The following FBXW11 variants were observed in gnomAD, a reference collection of about 807,000 sequenced individuals.
The protein encoded by FBXW11 is F-box/WD repeat-containing protein 11.
FBXW11 carries 19 observed loss-of-function variants against 77.6 expected under a neutral mutation model. The ratio of observed to expected loss-of-function variants is 0.24; its 90% CI spans 0.17 to 0.36. The LOEUF (loss-of-function observed/expected upper bound fraction) is 0.36. Among genes scored for constraint, FBXW11 ranks in the 10% least tolerant of loss-of-function variants. The pLI, the probability that FBXW11 is intolerant of heterozygous loss-of-function variation, is 1.00. For synonymous variants in FBXW11, 235 were observed against 249.4 expected (o/e 0.94, Z 0.54); for missense variants, 334 against 704.2 (o/e 0.47, Z 5.95).
intron 7 of FBXW11, among the ~76,000 whole-genome samples, chr5:171,887,782 C>T (rs1228577626): frequency 6.6e-6 from 1 of 151,940 alleles, no homozygotes; most frequent in Non-Finnish European, 1.5e-5. Flanking sequence ...CTCAGCCTCC[C>T]GAGTATCTGG....
intron 1 of FBXW11, chr5:171,977,756 T>C (rs1414673392): frequency 1.1e-5 from 4 of 355,798 alleles, no homozygotes; most frequent in African/African-American, 6.6e-5. Flanking sequence ...ACTCCCCTTT[T>C]TAAGAAAGAT....
chr5:171,929,686 C>G (rs1365949457), intron 2 of FBXW11, among the ~76,000 whole-genome samples: 1 of 151,794 alleles, frequency 6.6e-6, no homozygotes, highest in African/African-American at 2.4e-5. Context: ...CCCATCTCTA[C>G]TAAAAATACA....
rs779254554 is a variant in FBXW11, at chr5:171,876,575, C to T, written c.972-41G>A. 3 of 1,600,630 alleles carry T rather than the reference C, an allele frequency of 1.9e-6. No individual in the cohort carries two copies. In the South Asian group the frequency reaches 3.3e-5, roughly 18 times the overall value. ...AAAGCATGATGCTTAATTATGGAGA[C>T]AGCCAGGAAATGATTCTGGTATCTG... On this transcript the variant is annotated intron_variant, in intron 8 of 13. Coordinates refer to ENST00000517395, the MANE Select transcript of FBXW11 (RefSeq NM_001378974.1). This position sits in a 1 kb window ranked among gnomAD's most constrained non-coding sequence, Gnocchi z 4.2.
chr5:171,980,711 C>T (rs1390837678), intron 1 of FBXW11, among the ~76,000 whole-genome samples: 2 of 152,148 alleles, frequency 1.3e-5, no homozygotes, highest in Non-Finnish European at 2.9e-5. Context: ...CAACTAAACT[C>T]ATATTGCCAG....
chr5:171,915,741 A>C (rs1474504012), intron 2 of FBXW11, among the ~76,000 whole-genome samples: 7 of 152,082 alleles, frequency 4.6e-5, no homozygotes, highest in African/African-American at 1.7e-4. Context: ...TGCTTAGTGC[A>C]TAATGGGTAT....
At chr5:171,992,553 G>A (rs1418539804) in intron 1 of FBXW11, among the ~76,000 whole-genome samples, 2 of 151,780 alleles carry the variant, frequency 1.3e-5, no homozygotes, top group African/African-American at 2.4e-5. Context: ...GAAAGGAAAG[G>A]AAGAGAGGAG....
Position 171,963,555 on chromosome 5 carries a change from C to A in FBXW11, c.46-5857G>T, listed in dbSNP as rs10051102. On this transcript the variant is annotated intron_variant, in intron 1 of 13. Transcript: ENST00000517395. ...CATCAGTAGTTGGCCCAATGCTTCT[C>A]AGCTGTGTCATCCAATTTTACATCA... Among the ~76,000 whole-genome samples the A allele has an allele frequency of 9.3e-3, 1,423 of 152,286 alleles. 25 individuals are homozygous for A. Among genetic ancestry groups the A allele is most frequent in the African/African-American group, 0.033 (1,355 of 41,546 alleles).
chr5:171,937,500 G>A (rs1027331939), intron 2 of FBXW11, among the ~76,000 whole-genome samples: 2 of 152,154 alleles, frequency 1.3e-5, no homozygotes, highest in Non-Finnish European at 2.9e-5. Flanking sequence ...TGATATGTAA[G>A]TGAATGAGTG....
intron 13 of FBXW11, among the ~76,000 whole-genome samples, chr5:171,866,833 T>C (rs1757428965): frequency 6.6e-6 from 1 of 152,190 alleles, no homozygotes; most frequent in Admixed American, 6.5e-5. Context: ...TAAAGCTCCA[T>C]TCAATAATTA....
At chr5:171,902,967 T>C (rs912160506) in intron 4 of FBXW11, among the ~76,000 whole-genome samples, 1 of 152,204 alleles carries the variant, frequency 6.6e-6, no homozygotes, top group Admixed American at 6.5e-5. Flanking sequence ...CACTATACTA[T>C]CTATTCTAAG....
At chr5:171,903,648 T>C (rs1186024614) in intron 4 of FBXW11, among the ~76,000 whole-genome samples, 1 of 152,132 alleles carries the variant, frequency 6.6e-6, no homozygotes, top group East Asian at 1.9e-4. Context: ...CTACACTTAA[T>C]ATTAGAACAT....
intron 2 of FBXW11, among the ~76,000 whole-genome samples, chr5:171,938,854 G>GAT (rs1462104713): frequency 6.6e-6 from 1 of 152,204 alleles, no homozygotes; most frequent in African/African-American, 2.4e-5. Context: ...CCTGTTGACT[G>GAT]ATATAGAATA....
chr5:171,891,340 T>C (rs1181783255), intron 7 of FBXW11, 127 bp downstream of exon 7: 2 of 820,356 alleles, frequency 2.4e-6, no homozygotes, highest in Non-Finnish European at 3.6e-6. Flanking sequence ...AGAACTACAC[T>C]GAGAGCTGCC....
chr5:171,881,614 C>T lies in FBXW11; in HGVS notation c.853-3485G>A, dbSNP rs564415790. On this transcript the variant is annotated intron_variant, in intron 7 of 13. Coordinates refer to ENST00000517395, the MANE Select transcript of FBXW11 (RefSeq NM_001378974.1). ...CTCATAGAATGAGTGATGAAATATT[C>T]TCTCTTCTTCTATCTTCTGGAAGAG... Among the ~76,000 whole-genome samples the T allele has an allele frequency of 2.6e-5, 4 of 152,296 alleles. No individual in the cohort carries two copies. In the South Asian group the frequency reaches 8.3e-4, roughly 32 times the overall value.
intron 2 of FBXW11, among the ~76,000 whole-genome samples, chr5:171,935,023 A>G (rs943927123): frequency 1.3e-5 from 2 of 151,902 alleles, no homozygotes; most frequent in African/African-American, 2.4e-5. Flanking sequence ...CTGTGGCTTG[A>G]TCTCACTGCA....
chr5:171,992,660 A>G (rs1403571728), intron 1 of FBXW11, among the ~76,000 whole-genome samples: 1 of 152,104 alleles, frequency 6.6e-6, no homozygotes. Flanking sequence ...CCCATACACC[A>G]ATACATACAT....
chr5:172,006,339 G>T, intron 1 of FBXW11, 119 bp downstream of exon 1: 1 of 875,962 alleles, frequency 1.1e-6, no homozygotes, highest in Non-Finnish European at 1.6e-6. Context: ...TGGGGGCCCG[G>T]GTCTGGGTCG....
intron 2 of FBXW11, among the ~76,000 whole-genome samples, chr5:171,936,107 T>C (rs1426833345): frequency 3.2e-5 from 3 of 92,468 alleles, no homozygotes; most frequent in African/African-American, 1.5e-4. Context: ...CTAGACTCCA[T>C]CTAAAAAAAA....
intron 6 of FBXW11, among the ~76,000 whole-genome samples, chr5:171,896,731 C>T (rs1759765096): frequency 6.6e-6 from 1 of 152,102 alleles, no homozygotes; most frequent in Non-Finnish European, 1.5e-5. Flanking sequence ...TAACATGCAC[C>T]TTGTTGTAAG....
Sources: gnomAD v4.1 joint callset for allele counts (sites outside exome capture counted in the v4.1 genomes callset) on GRCh38, gnomAD v4.1.1 for gene constraint, Gnocchi (gnomAD v3.1) non-coding constraint, MANE v1.5 for transcripts, NCBI Gene and HGNC (gene_info 2026-07-23, HGNC 2026-07-21) for gene names.